The following KITLG variants were observed in gnomAD, a reference collection of about 807,000 sequenced individuals.
The protein encoded by KITLG is KIT ligand, also known as c-Kit ligand.
Under a neutral mutation model 34.1 loss-of-function variants are expected in KITLG, and 13 were observed. The ratio of observed to expected loss-of-function variants is 0.38; its 90% CI spans 0.25 to 0.61. The LOEUF (loss-of-function observed/expected upper bound fraction) is 0.61, where lower values mean the gene tolerates loss of function less well. KITLG is among the 20% of genes least tolerant of loss of function. The pLI, the probability that KITLG is intolerant of heterozygous loss-of-function variation, is 0.60. For missense variants in KITLG, 292 were observed against 318.9 expected, an observed-to-expected ratio of 0.92 and a Z score of 0.64; for synonymous variants, 110 against 104.0, an observed-to-expected ratio of 1.06 and a Z score of -0.35.
In KITLG at chr12:88,569,198, A is replaced by T. The variant is rs1397592902; in HGVS notation, c.15+11066T>A. The stretch of plus-strand genomic sequence containing the variant: ...CGAGCTCTGAATCCGAATCTGTTTC[A>T]TAAGCCAGCCACCACATATTGGTGC... On this transcript the variant is annotated intron_variant, in intron 1 of 9. Coordinates refer to ENST00000644744, the MANE Select transcript of KITLG (RefSeq NM_000899.5). Among the ~76,000 whole-genome samples, 5 of 152,212 alleles carry T rather than the reference A, an allele frequency of 3.3e-5. No homozygotes were observed. In the East Asian group the frequency reaches 9.6e-4, roughly 29 times the overall value.
chr12:88,552,685 T>C (rs7309100), intron 1 of KITLG, among the ~76,000 whole-genome samples: 5,028 of 152,146 alleles, frequency 0.033, 235 homozygotes, highest in African/African-American at 0.1. Flanking sequence ...GCAGCTCAGC[T>C]TTTTTTGTTG....
At chr12:88,537,242 GA>G (rs1470007731) in intron 2 of KITLG, among the ~76,000 whole-genome samples, 2 of 151,892 alleles carry the variant, frequency 1.3e-5, no homozygotes, top group Non-Finnish European at 2.9e-5. Context: ...ATCAACAATG[GA>G]CTGAATAAAG....
chr12:88,575,607 C>T (rs371209950), intron 1 of KITLG, among the ~76,000 whole-genome samples: 3 of 152,154 alleles, frequency 2.0e-5, no homozygotes, highest in South Asian at 2.1e-4. Context: ...CTATACAAAA[C>T]AACCCTGAAA....
rs531430947 is a variant in KITLG, at chr12:88,567,580, G to C, written c.15+12684C>G. Among the ~76,000 whole-genome samples, 9 of 152,190 alleles carry C rather than the reference G, an allele frequency of 5.9e-5. No individual in the cohort carries two copies. The South Asian group carries it at 6.2e-4, about 11-fold the overall frequency. On this transcript the variant is annotated intron_variant, in intron 1 of 9. Transcript: ENST00000644744. The stretch of plus-strand genomic sequence containing the variant: ...TTAAACTAAACAGAGTCACTGACAA[G>C]AAAATAAAACCTGAATTCATAATGG...
In KITLG at chr12:88,515,629, G is replaced by C; in HGVS notation, c.521-12C>G. On this transcript the variant is annotated splice_polypyrimidine_tract_variant and intron_variant, in intron 5 of 9. Coordinates refer to ENST00000644744, the MANE Select transcript of KITLG (RefSeq NM_000899.5). ...ACTGACTCTGGAATCTAAATAGAAA[G>C]CAATAATGTGTCAGTGTTATATGGT... is the stretch of plus-strand genomic sequence containing the variant. The C allele has an allele frequency of 6.3e-7, 1 of 1,582,114 alleles. No individual in the cohort carries two copies. Among genetic ancestry groups the C allele is most frequent in the Non-Finnish European group, 8.7e-7 (1 of 1,151,920 alleles).
chr12:88,548,867 C>T (rs574220494), intron 1 of KITLG, among the ~76,000 whole-genome samples: 2 of 152,252 alleles, frequency 1.3e-5, no homozygotes, highest in African/African-American at 4.8e-5. Flanking sequence ...GTCAAATCAC[C>T]AGGCATCTCT....
intron 6 of KITLG, 119 bp from the exon 7 acceptor site, chr12:88,507,256 T>A: frequency 1.5e-6 from 1 of 668,542 alleles, no homozygotes; most frequent in Non-Finnish European, 2.7e-6. Context: ...CTGTTTAAAG[T>A]ATTCAAAAGA....
intron 2 of KITLG, among the ~76,000 whole-genome samples, chr12:88,535,483 G>C (rs370994271): frequency 6.6e-6 from 1 of 152,254 alleles, no homozygotes; most frequent in Non-Finnish European, 1.5e-5. Context: ...GTATCCCCAA[G>C]GTACACGCAT....
At chr12:88,518,513 T>G (rs1416497517) in intron 4 of KITLG, among the ~76,000 whole-genome samples, 184 bp downstream of exon 4, 1 of 152,198 alleles carries the variant, frequency 6.6e-6, no homozygotes, top group African/African-American at 2.4e-5. Flanking sequence ...GAATGTGCAC[T>G]TCAGTATTGC....
chr12:88,506,938 G>T (rs1032174044), intron 7 of KITLG, 90 bp downstream of exon 7: 5 of 822,476 alleles, frequency 6.1e-6, no homozygotes, highest in Non-Finnish European at 1.0e-5. Context: ...AGAATTCACT[G>T]TTTTCTTAAA....
chr12:88,523,842 T>C (rs1333168438), intron 3 of KITLG, among the ~76,000 whole-genome samples: 1 of 152,232 alleles, frequency 6.6e-6, no homozygotes, highest in Admixed American at 6.5e-5. Context: ...GTCTTCAGTG[T>C]TCACTTTAGG....
chr12:88,516,600 C>A, intron 4 of KITLG, 110 bp from the exon 5 acceptor site: 1 of 680,864 alleles, frequency 1.5e-6, no homozygotes, highest in Non-Finnish European at 2.4e-6. Flanking sequence ...TAGACTCTTA[C>A]AACTAGCACT....
At chr12:88,579,871 G>T (rs181447020) in intron 1 of KITLG, among the ~76,000 whole-genome samples, 2 of 152,354 alleles carry the variant, frequency 1.3e-5, no homozygotes, top group Admixed American at 1.3e-4. Context: ...TGGCGCGTGG[G>T]GTGCTGTTTC....
At chr12:88,518,224 C>T (rs1869522948) in intron 4 of KITLG, among the ~76,000 whole-genome samples, 1 of 152,110 alleles carries the variant, frequency 6.6e-6, no homozygotes, top group African/African-American at 2.4e-5. Context: ...TTGCCTATTC[C>T]ATATGTCATG....
chr12:88,522,447 GAGAC>G (rs1869708372), intron 3 of KITLG, among the ~76,000 whole-genome samples: 1 of 74,864 alleles, frequency 1.3e-5, no homozygotes, highest in Non-Finnish European at 2.6e-5. Flanking sequence ...TTTTTTTTTT[GAGAC>G]AGTCTTGCTC....
At chr12:88,552,122 T>C (rs777987775) in intron 1 of KITLG, among the ~76,000 whole-genome samples, 1 of 151,964 alleles carries the variant, frequency 6.6e-6, no homozygotes, top group South Asian at 2.1e-4. Context: ...GTCCAACTGA[T>C]ACTTTGATGT....
rs1031386840 is a variant in KITLG, at chr12:88,516,467, G to A, written c.387C>T (p.Ser129=). The A allele has an allele frequency of 3.1e-6, 5 of 1,602,006 alleles. No homozygotes were observed. Among genetic ancestry groups the A allele is most frequent in the Admixed American group, 1.7e-5 (1 of 58,536 alleles). The change falls in exon 5 of 10, where the codon AGC becomes AGT. Residue 129 remains serine (S), a synonymous_variant. Transcript: ENST00000644744. ...CAGGAGTAAAGAGCCTGGGTTCTGGGCTCTTGAATGATTTTTTTAGATCCT... is the reference window on the plus strand; with the variant it reads ...CAGGAGTAAAGAGCCTGGGTTCTGGACTCTTGAATGATTTTTTTAGATCCT... ...SSKDLKKSFK[S]PEPRLFTPEE...
At chr12:88,527,058 C>T (rs780542352) in intron 3 of KITLG, among the ~76,000 whole-genome samples, 10 of 151,772 alleles carry the variant, frequency 6.6e-5, no homozygotes, top group Admixed American at 4.6e-4. Flanking sequence ...TTAGTATAGA[C>T]GGGGTTTCAC....
At chr12:88,543,289 G>A (rs569159461) in intron 2 of KITLG, among the ~76,000 whole-genome samples, 4 of 152,114 alleles carry the variant, frequency 2.6e-5, no homozygotes, top group South Asian at 2.1e-4. Context: ...AGGCCCCAGT[G>A]TGTAATGTTC....
Sources: gnomAD v4.1 joint callset for allele counts (sites outside exome capture counted in the v4.1 genomes callset) on GRCh38, gnomAD v4.1.1 for gene constraint, MANE v1.5 for transcripts, NCBI Gene and HGNC (gene_info 2026-07-23, HGNC 2026-07-21) for gene names.